CHN2: variants seen among roughly 807,000 people sequenced by gnomAD.
CHN2 encodes the protein beta-chimaerin.
In CHN2, 35 loss-of-function variants were observed where a neutral mutation model predicts 56.3. The ratio of observed to expected loss-of-function variants is 0.62; its 90% CI spans 0.47 to 0.82. The LOEUF (loss-of-function observed/expected upper bound fraction) is 0.82, where lower values mean the gene tolerates loss of function less well. Among genes scored for constraint, CHN2 ranks in the 40% least tolerant of loss-of-function variants. The pLI is 0.00. For synonymous variants in CHN2, 210 were observed against 212.8 expected (o/e 0.99, Z 0.12); for missense variants, 491 against 580.5 (o/e 0.85, Z 1.58).
chr7:29,265,990 C>T (rs1045603319), intron 1 of CHN2, among the ~76,000 whole-genome samples: 1 of 152,172 alleles, frequency 6.6e-6, no homozygotes, highest in Non-Finnish European at 1.5e-5. Context: ...ATGAAAAGTT[C>T]AAGGCCTGAG....
chr7:29,467,317 A>G (rs1785625340), intron 6 of CHN2, among the ~76,000 whole-genome samples: 2 of 152,286 alleles, frequency 1.3e-5, no homozygotes, highest in South Asian at 2.1e-4. Context: ...CTGTCTGGCA[A>G]TTTCCTGCCT....
At chr7:29,377,664 C>T (rs1297158539) in intron 3 of CHN2, among the ~76,000 whole-genome samples, 3 of 152,220 alleles carry the variant, frequency 2.0e-5, no homozygotes, top group African/African-American at 7.2e-5. Flanking sequence ...GGGCAAGGCC[C>T]ACCTCCTTGC....
intron 1 of CHN2, among the ~76,000 whole-genome samples, chr7:29,266,693 T>G (rs368189951): frequency 1.3e-5 from 2 of 152,208 alleles, no homozygotes; most frequent in East Asian, 1.9e-4. Flanking sequence ...CCAGGGAAAG[T>G]GGAGCAAGAT....
intron 1 of CHN2, among the ~76,000 whole-genome samples, chr7:29,334,079 T>G (rs1796432948): frequency 1.4e-5 from 2 of 140,080 alleles, no homozygotes; most frequent in South Asian, 2.2e-4. Context: ...TGAGACTGAG[T>G]CTCCCTCCAT....
chr7:29,274,774 A>G (rs1562883242), intron 1 of CHN2, among the ~76,000 whole-genome samples: 1 of 152,224 alleles, frequency 6.6e-6, no homozygotes, highest in Admixed American at 6.5e-5. Flanking sequence ...ATGTGGCTAG[A>G]AAAATATTCA....
At chr7:29,332,332 A>G (rs39131) in intron 1 of CHN2, among the ~76,000 whole-genome samples, 139,325 of 152,228 alleles carry the variant, frequency 0.92, 63,985 homozygotes, top group East Asian at 1. Flanking sequence ...TAATTGTAAA[A>G]TACTTAGCCT....
chr7:29,150,506 G>T (rs144140838), intron 2 of CHN2, among the ~76,000 whole-genome samples: 1 of 152,292 alleles, frequency 6.6e-6, no homozygotes, highest in East Asian at 1.9e-4. Context: ...CCTATAGCCG[G>T]AGCTTTGCTG....
intron 7 of CHN2, among the ~76,000 whole-genome samples, chr7:29,493,937 A>G (rs893304070): frequency 2.6e-5 from 4 of 152,128 alleles, no homozygotes; most frequent in Non-Finnish European, 5.9e-5. Flanking sequence ...CAAAATCCAC[A>G]CTCATGAATA....
chr7:29,352,359 GTGTGTGTGTA>G (rs1377238323), intron 1 of CHN2, among the ~76,000 whole-genome samples: 2 of 150,500 alleles, frequency 1.3e-5, no homozygotes, highest in Non-Finnish European at 3.0e-5. Context: ...TCGTGTGTGT[GTGTGTGTGTA>G]TGTGTGTGTG....
At chr7:29,484,212 T>C (rs1787696194) in intron 7 of CHN2, among the ~76,000 whole-genome samples, 1 of 152,206 alleles carries the variant, frequency 6.6e-6, no homozygotes. Flanking sequence ...CCAATACTGG[T>C]TTATACCCCT....
At chr7:29,356,628 G>A (rs1562543069) in intron 2 of CHN2, among the ~76,000 whole-genome samples, 1 of 152,130 alleles carries the variant, frequency 6.6e-6, no homozygotes, top group Non-Finnish European at 1.5e-5. Flanking sequence ...CAAACATCTT[G>A]TTTTTATCTC....
At chr7:29,336,759 C>CAAAAAAA (rs5883205) in intron 1 of CHN2, among the ~76,000 whole-genome samples, 1 of 68,554 alleles carries the variant, frequency 1.5e-5, no homozygotes, top group African/African-American at 6.4e-5. Flanking sequence ...GATTCTGTCT[C>CAAAAAAA]AAAAAAAAAA....
intron 6 of CHN2, among the ~76,000 whole-genome samples, chr7:29,417,467 C>T (rs1803888673): frequency 6.6e-6 from 1 of 151,778 alleles, no homozygotes; most frequent in Non-Finnish European, 1.5e-5. Context: ...TCCCGAGTAG[C>T]TAGGACTACA....
chr7:29,423,371 A>G (rs1804536252), intron 6 of CHN2, among the ~76,000 whole-genome samples: 2 of 152,214 alleles, frequency 1.3e-5, no homozygotes, highest in African/African-American at 4.8e-5. Flanking sequence ...GCCCACATCC[A>G]GTGACTGTGT....
chr7:29,236,829 A>T (rs542806775), intron 1 of CHN2, among the ~76,000 whole-genome samples: 45 of 152,252 alleles, frequency 3.0e-4, no homozygotes, highest in African/African-American at 1.0e-3. Flanking sequence ...ATGGCCCCAC[A>T]TCACCCTCAC....
intron 6 of CHN2, among the ~76,000 whole-genome samples, chr7:29,443,508 A>G (rs1306254141): frequency 6.6e-6 from 1 of 152,176 alleles, no homozygotes; most frequent in Non-Finnish European, 1.5e-5. Context: ...GCAATACATG[A>G]CTATGTGTGT....
In CHN2 at chr7:29,398,402, C is replaced by T. The variant is rs777532886; in HGVS notation, c.206C>T (p.Ala69Val). 5.0e-6 allele frequency: 8 copies of T among 1,613,302 alleles called. No individual in the cohort carries two copies. Among genetic ancestry groups the T allele is most frequent in the Admixed American group, 3.3e-5 (2 of 60,018 alleles). Residue 69 changes from alanine (A) to valine (V), a missense_variant, in exon 5 of 13, where the codon GCG (alanine) becomes GTG (valine). Coordinates refer to ENST00000222792, the MANE Select transcript of CHN2 (RefSeq NM_004067.4). ...EFHGIISREQ[A>V]DELLGGVEGA... ...CATGGGATCATCTCTCGGGAGCAGG[C>T]GGATGAGCTTCTTGGAGGCGTGGAG...
In CHN2 at chr7:29,461,864, ATGGAT is replaced by A. The variant is rs879852412; in HGVS notation, c.577-18414_577-18410del. Among the ~76,000 whole-genome samples the A allele has an allele frequency of 8.5e-3, 1,275 of 149,850 alleles. 18 individuals are homozygous for A. The highest frequency in any genetic ancestry group is 0.029 in the African/African-American group (1,146 of 39,306). On this transcript the variant is annotated intron_variant, in intron 6 of 12. Transcript: ENST00000222792. ...GATGGATGGATGGATGGATGGATGG[ATGGAT>A]GGAAGGAAGAGAGAGGATGCAAAGT... is the stretch of plus-strand genomic sequence containing the variant.
chr7:29,463,213 G>A (rs1785302485), intron 6 of CHN2, among the ~76,000 whole-genome samples: 1 of 152,054 alleles, frequency 6.6e-6, no homozygotes, highest in Non-Finnish European at 1.5e-5. Context: ...CAACATTGTG[G>A]CAAGAAGATG....
Sources: allele counts gnomAD v4.1 joint callset (sites outside exome capture counted in the v4.1 genomes callset), GRCh38; gene constraint gnomAD v4.1.1; transcripts MANE v1.5; gene names NCBI Gene and HGNC (gene_info 2026-07-23, HGNC 2026-07-21).